Variants in NVL observed in about 807,000 individuals in gnomAD.
NVL encodes nuclear valosin-containing protein-like.
NVL carries 84 observed loss-of-function variants against 110.2 expected under a neutral mutation model. That is an observed-to-expected ratio of 0.76 (90% CI 0.64 to 0.91). The LOEUF (loss-of-function observed/expected upper bound fraction) is 0.91, where lower values mean the gene tolerates loss of function less well. Among genes scored for constraint, NVL ranks in the 40% least tolerant of loss-of-function variants. The pLI, the probability that NVL is intolerant of heterozygous loss-of-function variation, is 0.00. For missense variants in NVL, 882 were observed against 1,035.9 expected (o/e 0.85, Z 2.04); for synonymous variants, 354 against 361.1 (o/e 0.98, Z 0.22).
At position 224,263,446 on chromosome 1, in the gene NVL, T is replaced by G. The variant is rs150764149; in HGVS notation, c.2182+4588A>C. ...TTGTAAAGAAAATGAAATAAACTTA[T>G]TTTCATCTCCTTGAACAGACATTTT... On this transcript the variant is annotated intron_variant, in intron 18 of 22. Transcript: ENST00000281701. Among the ~76,000 whole-genome samples, 5 of 152,334 alleles carry G rather than the reference T, an allele frequency of 3.3e-5. No homozygotes were observed. The East Asian group carries it at 9.6e-4, about 29-fold the overall frequency.
intron 16 of NVL, among the ~76,000 whole-genome samples, chr1:224,276,631 T>C (rs1665788641): frequency 6.6e-6 from 1 of 152,194 alleles, no homozygotes; most frequent in Non-Finnish European, 1.5e-5. Context: ...ACGACAGAGA[T>C]TAAAGTGCTA....
At chr1:224,295,366 T>A (rs1339853171) in intron 11 of NVL, among the ~76,000 whole-genome samples, 3 of 151,894 alleles carry the variant, frequency 2.0e-5, no homozygotes, top group Non-Finnish European at 2.9e-5. Context: ...CTAATTTTTT[T>A]ATTTTTTTAT....
chr1:224,316,228 T>C (rs375381885), intron 4 of NVL, among the ~76,000 whole-genome samples: 12 of 152,192 alleles, frequency 7.9e-5, no homozygotes, highest in African/African-American at 2.6e-4. Flanking sequence ...AGCATGTCCA[T>C]ACATACTTAT....
At chr1:224,300,042 G>T (rs572367927) in intron 10 of NVL, among the ~76,000 whole-genome samples, 4 of 152,140 alleles carry the variant, frequency 2.6e-5, no homozygotes, top group Admixed American at 2.6e-4. Flanking sequence ...CTTGTGCTGT[G>T]TGCAAGGCAC....
At chr1:224,287,570 A>G (rs1357948465) in intron 14 of NVL, among the ~76,000 whole-genome samples, 2 of 152,224 alleles carry the variant, frequency 1.3e-5, no homozygotes, top group Non-Finnish European at 2.9e-5. Context: ...TGATACATCA[A>G]TTTAAAAAAA....
chr1:224,249,775 C>T (rs1662260954), intron 19 of NVL, among the ~76,000 whole-genome samples: 1 of 152,068 alleles, frequency 6.6e-6, no homozygotes, highest in African/African-American at 2.4e-5. Flanking sequence ...GCTCTGTTGC[C>T]CAGGCTGGAG....
intron 2 of NVL, among the ~76,000 whole-genome samples, chr1:224,325,981 G>C (rs1671106996): frequency 6.6e-6 from 1 of 151,918 alleles, no homozygotes; most frequent in African/African-American, 2.4e-5. Context: ...TACAGATGGG[G>C]TTTCACCATG....
intron 18 of NVL, among the ~76,000 whole-genome samples, chr1:224,253,430 T>C (rs1183023542): frequency 6.6e-6 from 1 of 151,920 alleles, no homozygotes; most frequent in Admixed American, 6.6e-5. Context: ...TGTAGGTATA[T>C]GCTTAACTTT....
intron 19 of NVL, among the ~76,000 whole-genome samples, chr1:224,240,045 GCTAC>G (rs1232469671): frequency 6.9e-6 from 1 of 145,696 alleles, no homozygotes; most frequent in African/African-American, 2.6e-5. Flanking sequence ...ACAGGCATGC[GCTAC>G]CACGCTGGGT....
intron 4 of NVL, among the ~76,000 whole-genome samples, chr1:224,315,988 G>A (rs1384580321): frequency 6.6e-6 from 1 of 151,734 alleles, no homozygotes; most frequent in Non-Finnish European, 1.5e-5. Context: ...TGAGCCCAGG[G>A]GTACAAGACC....
intron 18 of NVL, among the ~76,000 whole-genome samples, chr1:224,251,166 C>T (rs1662440846): frequency 2.0e-5 from 3 of 149,760 alleles, no homozygotes; most frequent in East Asian, 2.0e-4. Flanking sequence ...CCCACCTACT[C>T]GGGAGGCTGA....
At chr1:224,238,668 A>G (rs1007294723) in intron 19 of NVL, among the ~76,000 whole-genome samples, 6 of 152,196 alleles carry the variant, frequency 3.9e-5, no homozygotes, top group African/African-American at 1.4e-4. Flanking sequence ...AAGTAATAAA[A>G]CTAAAGGGTC....
intron 12 of NVL, among the ~76,000 whole-genome samples, chr1:224,291,802 T>C (rs965735179): frequency 6.6e-6 from 1 of 152,214 alleles, no homozygotes; most frequent in African/African-American, 2.4e-5. Flanking sequence ...ACTAAGAACA[T>C]TTTGGATGTT....
In NVL at chr1:224,317,710, C is replaced by T; in HGVS notation, c.268G>A (p.Gly90Ser). ...DEHLAKRARQ[G>S]EEDNEYTESY... is the part of the protein sequence containing the mutation. ...TATACTTACTCATTATCCTCTTCAC[C>T]TTGTCTTGCCCTTTTTGCCAAATGT... Residue 90 changes from glycine (G) to serine (S), a missense_variant, in exon 4 of 23, where the codon GGT becomes AGT. Physicochemically the swap from Gly to Ser is moderately conservative, Grantham distance 56. This residue lies in a region of NVL where 274 missense variants were observed against 268.4 expected (regional missense o/e 1.02). Coordinates refer to ENST00000281701, the MANE Select transcript of NVL (RefSeq NM_002533.4). The T allele has an allele frequency of 1.2e-6, 2 of 1,600,168 alleles. No homozygotes were observed. The highest frequency in any genetic ancestry group is 1.7e-6 in the Non-Finnish European group (2 of 1,167,832).
At chr1:224,252,452 A>T (rs1662609833) in intron 18 of NVL, among the ~76,000 whole-genome samples, 1 of 152,212 alleles carries the variant, frequency 6.6e-6, no homozygotes, top group Non-Finnish European at 1.5e-5. Flanking sequence ...GACACAGGCT[A>T]TAATTAATGA....
chr1:224,235,776 T>A (rs865916455), intron 20 of NVL, among the ~76,000 whole-genome samples: 7 of 151,964 alleles, frequency 4.6e-5, no homozygotes, highest in South Asian at 2.1e-4. Context: ...AAAAATTTTT[T>A]AAAAAAATTA....
At chr1:224,267,655 C>A (rs1461619361) in intron 18 of NVL, among the ~76,000 whole-genome samples, 1 of 150,086 alleles carries the variant, frequency 6.7e-6, no homozygotes, top group Non-Finnish European at 1.5e-5. Flanking sequence ...CCACTGCATG[C>A]CAGCCTGGGT....
intron 2 of NVL, among the ~76,000 whole-genome samples, chr1:224,318,765 T>A (rs1253155353): frequency 6.6e-6 from 1 of 150,960 alleles, no homozygotes; most frequent in Non-Finnish European, 1.5e-5. Context: ...GGGAGGATCA[T>A]GAGGTCAGGA....
intron 2 of NVL, among the ~76,000 whole-genome samples, chr1:224,320,094 G>T (rs1205861318): frequency 1.3e-5 from 2 of 152,096 alleles, no homozygotes; most frequent in Non-Finnish European, 2.9e-5. Flanking sequence ...TAATTTAGGG[G>T]CTGGATTTCA....
Sources: gnomAD v4.1 joint callset for allele counts (sites outside exome capture counted in the v4.1 genomes callset) on GRCh38, gnomAD v4.1.1 for gene constraint, gnomAD v4.1.1 regional missense constraint, MANE v1.5 for transcripts, NCBI Gene and HGNC (gene_info 2026-07-23, HGNC 2026-07-21) for gene names.